The following CDCA2 variants were observed in gnomAD, a reference collection of about 807,000 sequenced individuals.
CDCA2 encodes the protein cell division cycle associated 2.
A neutral mutation model predicts 67.0 loss-of-function variants in CDCA2; 44 were observed. The ratio of observed to expected loss-of-function variants is 0.66; its 90% CI spans 0.52 to 0.84. The LOEUF is 0.84. Ranked by LOEUF, CDCA2 falls within the 40% of genes least tolerant of loss-of-function variation. CDCA2 has a pLI of 0.00. For missense variants in CDCA2, 1,253 were observed against 1,203.2 expected (o/e 1.04, Z -0.61); for synonymous variants, 447 against 418.7 (o/e 1.07, Z -0.82).
Position 25,488,688 on chromosome 8 carries a change from A to T in CDCA2, c.1670A>T (p.Gln557Leu). The T allele has an allele frequency of 1.2e-6, 2 of 1,602,168 alleles. No individual in the cohort carries two copies. The change falls in exon 13 of 15, where the codon CAG becomes CTG. Residue 557 changes from glutamine to leucine, a missense_variant and splice_region_variant. Transcript: ENST00000330560. ...CTKRALPKKS[Q>L]VLKSCRKKKG... ...AAGAGAGCACTTCCTAAGAAGAGTC[A>T]GGTAAGCATGTGTTTAAAGATATAA... is the stretch of plus-strand genomic sequence containing the variant.
At chr8:25,472,187 A>G (rs976257937) in intron 7 of CDCA2, 3 of 123,286 alleles carry the variant, frequency 2.4e-5, no homozygotes, top group African/African-American at 8.0e-5. Flanking sequence ...AATATTTGGT[A>G]TGCTGATAGC....
chr8:25,494,806 C>T lies in CDCA2; in HGVS notation c.1671+6117C>T, dbSNP rs73221906. Among the ~76,000 whole-genome samples the T allele has an allele frequency of 5.5e-3, 830 of 152,222 alleles. 3 individuals are homozygous for T. The highest frequency in any genetic ancestry group is 9.0e-3 in the Non-Finnish European group (609 of 68,006). ...TTAAAATGAGATCCATAGGGTGGGT[C>T]CTAATCCACTCTGACTGGTGTTCTT... is the stretch of plus-strand genomic sequence containing the variant. On this transcript the variant is annotated intron_variant, in intron 13 of 14. Coordinates refer to ENST00000330560, the MANE Select transcript of CDCA2 (RefSeq NM_152562.4).
chr8:25,471,281 A>C (rs1280867364), intron 7 of CDCA2, among the ~76,000 whole-genome samples: 1 of 152,200 alleles, frequency 6.6e-6, no homozygotes, highest in Non-Finnish European at 1.5e-5. Context: ...GTCCGCCTGC[A>C]TGGTCCCCCT....
At position 25,503,522 on chromosome 8, in the gene CDCA2, G is replaced by C. The variant is rs139541936; in HGVS notation, c.1821G>C (p.Pro607=). 1.2e-6 allele frequency: 2 copies of C among 1,610,984 alleles called. No homozygotes were observed. The highest frequency in any genetic ancestry group is 1.3e-5 in the African/African-American group (1 of 74,676). ...PEVPEMTPSI[P]SIRRLGSGYF... ...TCCCTGAGATGACACCTTCCATTCC[G>C]AGCATCCGAAGACTGGGTTCAGGTA... The change falls in exon 14 of 15, where the codon CCG becomes CCC. Residue 607 remains proline (P), a synonymous_variant. Transcript: ENST00000330560.
intron 7 of CDCA2, among the ~76,000 whole-genome samples, chr8:25,476,006 A>T (rs955213038): frequency 6.6e-6 from 1 of 152,176 alleles, no homozygotes; most frequent in Non-Finnish European, 1.5e-5. Flanking sequence ...GTCCAGGGGA[A>T]TTCTCTGTGT....
intron 13 of CDCA2, among the ~76,000 whole-genome samples, chr8:25,501,694 G>A (rs1437412185): frequency 6.6e-6 from 1 of 152,142 alleles, no homozygotes; most frequent in Non-Finnish European, 1.5e-5. Context: ...ACCTCCTACA[G>A]GCCAGGTGCC....
At chr8:25,464,003 C>T (rs1802802457) in intron 4 of CDCA2, among the ~76,000 whole-genome samples, 1 of 152,318 alleles carries the variant, frequency 6.6e-6, no homozygotes, top group African/African-American at 2.4e-5. Flanking sequence ...AGAGGTCTGT[C>T]CTGATTCTAG....
At chr8:25,467,208 A>G (rs2117484828) in intron 5 of CDCA2, among the ~76,000 whole-genome samples, 1 of 152,102 alleles carries the variant, frequency 6.6e-6, no homozygotes, top group Admixed American at 6.5e-5. Flanking sequence ...AATGTGACAA[A>G]ATCTTGGTCT....
chr8:25,483,855 T>A, intron 9 of CDCA2, 111 bp from the exon 10 acceptor site: 1 of 954,306 alleles, frequency 1.0e-6, no homozygotes, highest in Non-Finnish European at 1.6e-6. Context: ...TTACTAGCTA[T>A]TATACAAATA....
At chr8:25,481,473 A>C (rs987319747) in intron 8 of CDCA2, among the ~76,000 whole-genome samples, 1 of 152,106 alleles carries the variant, frequency 6.6e-6, no homozygotes, top group Admixed American at 6.5e-5. Flanking sequence ...GGTGGATCAC[A>C]AGGTCAGGAG....
At chr8:25,485,970 T>C (rs933545338) in intron 11 of CDCA2, 133 bp downstream of exon 11, 1 of 502,806 alleles carries the variant, frequency 2.0e-6, no homozygotes, top group African/African-American at 2.0e-5. Context: ...CCTAATAGTA[T>C]TGGGAAGCTG....
In CDCA2 at chr8:25,487,599, C is replaced by T. The variant is rs150888442; in HGVS notation, c.1533+265C>T. On this transcript the variant is annotated intron_variant, in intron 12 of 14. Coordinates refer to ENST00000330560, the MANE Select transcript of CDCA2 (RefSeq NM_152562.4). ...TACTAGAAATACCAAAAAAATTAGC[C>T]GGACGTGGTGGTGGACGCCTGTAGT... is the stretch of plus-strand genomic sequence containing the variant. Among the ~76,000 whole-genome samples, 80 of 152,122 alleles carry T rather than the reference C, an allele frequency of 5.3e-4. 2 individuals carry two copies. In the East Asian group the frequency reaches 0.011, roughly 22 times the overall value.
rs141977218 is a variant in CDCA2 at position 25,507,008 on chromosome 8, G to A, written c.2342G>A (p.Arg781His). The A allele has an allele frequency of 1.6e-5, 26 of 1,614,094 alleles. No individual in the cohort carries two copies. The highest frequency in any genetic ancestry group is 1.6e-4 in the African/African-American group (12 of 75,044). ...GCAGAAGGAAAACTGCAATGCAATCGTTTAATGCCTAATTCACAAAAAGAC... is the reference window on the plus strand; with the variant it reads ...GCAGAAGGAAAACTGCAATGCAATCATTTAATGCCTAATTCACAAAAAGAC... Reference protein sequence around the residue: ...GAAEGKLQCNRLMPNSQKDCH... With the variant: ...GAAEGKLQCNHLMPNSQKDCH... Residue 781 changes from arginine to histidine, a missense_variant, in exon 15 of 15, where the codon CGT (arginine) becomes CAT (histidine). Physicochemically the swap from Arg to His is conservative, Grantham distance 29. Coordinates refer to ENST00000330560, the MANE Select transcript of CDCA2 (RefSeq NM_152562.4).
intron 13 of CDCA2, among the ~76,000 whole-genome samples, chr8:25,490,738 C>T (rs1803969813): frequency 6.6e-6 from 1 of 152,192 alleles, no homozygotes; most frequent in African/African-American, 2.4e-5. Flanking sequence ...AGCCCTCATT[C>T]TGGCATTTGG....
Position 25,498,549 on chromosome 8 carries a change from T to TAC in CDCA2, c.1672-4817_1672-4816dup, listed in dbSNP as rs555389433. Among the ~76,000 whole-genome samples, 72 of 150,742 alleles carry TAC rather than the reference T, an allele frequency of 4.8e-4. 1 individual carries two copies. The East Asian group carries it at 8.9e-3, about 19-fold the overall frequency. ...TTTTAAGTTTTGTGATCATTTTGGATACACACACTCTTCTAAGAAGTAATG... is the reference window on the plus strand; with the variant it reads ...TTTTAAGTTTTGTGATCATTTTGGATACACACACACTCTTCTAAGAAGTAATG... On this transcript the variant is annotated intron_variant, in intron 13 of 14. Transcript: ENST00000330560.
chr8:25,464,824 C>T (rs564310088), intron 4 of CDCA2, among the ~76,000 whole-genome samples: 43 of 152,210 alleles, frequency 2.8e-4, no homozygotes, highest in African/African-American at 9.9e-4. Context: ...ATGTCGTGAA[C>T]GTTTGTGTCA....
At chr8:25,492,000 G>A (rs1272943824) in intron 13 of CDCA2, among the ~76,000 whole-genome samples, 1 of 147,708 alleles carries the variant, frequency 6.8e-6, no homozygotes, top group African/African-American at 2.6e-5. Flanking sequence ...GTTTCACTAT[G>A]TTAGCCAGGC....
Position 25,483,382 on chromosome 8 carries a change from A to C in CDCA2, c.1033-17A>C. ...TTTCTATATGTAAAATTATTCATTA[A>C]TGTTTATTCTGTTTAGGAACACTGT... On this transcript the variant is annotated splice_polypyrimidine_tract_variant and intron_variant, in intron 8 of 14. Transcript: ENST00000330560. 4 of 1,498,784 alleles carry C rather than the reference A, an allele frequency of 2.7e-6. No individual in the cohort carries two copies. Among genetic ancestry groups the C allele is most frequent in the Non-Finnish European group, 3.6e-6 (4 of 1,109,480 alleles). The allele number at this position is 1,498,784 out of a possible 1,614,324, so 92.8% of individuals were successfully genotyped here.
intron 14 of CDCA2, among the ~76,000 whole-genome samples, chr8:25,504,061 T>C (rs1804583057): frequency 6.6e-6 from 1 of 152,100 alleles, no homozygotes; most frequent in Admixed American, 6.5e-5. Flanking sequence ...GAGGTGATGA[T>C]TCAGTAATAT....
Sources: gnomAD v4.1 joint callset for allele counts (sites outside exome capture counted in the v4.1 genomes callset) on GRCh38, gnomAD v4.1.1 for gene constraint, MANE v1.5 for transcripts, NCBI Gene and HGNC (gene_info 2026-07-23, HGNC 2026-07-21) for gene names.